Variants in SETDB2 observed in about 807,000 individuals in gnomAD.
SETDB2 encodes SET domain bifurcated histone lysine methyltransferase 2.
Under a neutral mutation model 82.5 loss-of-function variants are expected in SETDB2, and 56 were observed. The ratio of observed to expected loss-of-function variants is 0.68; its 90% confidence interval spans 0.55 to 0.85. The LOEUF (loss-of-function observed/expected upper bound fraction) is 0.85. Among genes scored for constraint, SETDB2 ranks in the 40% least tolerant of loss-of-function variants. The probability of loss-of-function intolerance (pLI) is 0.00; values close to 1 mark genes in which losing one functional copy is unlikely to be tolerated. For synonymous variants in SETDB2, 272 were observed against 284.9 expected, an observed-to-expected ratio of 0.95 and a Z score of 0.46; for missense variants, 677 against 816.4, an observed-to-expected ratio of 0.83 and a Z score of 2.08.
intron 10 of SETDB2, 99 bp from the exon 11 acceptor site, chr13:49,485,531 C>T (rs993110403): frequency 3.4e-6 from 3 of 890,962 alleles, no homozygotes; most frequent in Non-Finnish European, 5.3e-6. Flanking sequence ...GAATCTAGTA[C>T]ATATAGCCTA....
intron 5 of SETDB2, among the ~76,000 whole-genome samples, chr13:49,472,938 A>C (rs1216027890): frequency 6.6e-6 from 1 of 152,174 alleles, no homozygotes; most frequent in Non-Finnish European, 1.5e-5. Flanking sequence ...CTTTCTTGAA[A>C]TGTAAATTCC....
At chr13:49,487,590 C>T (rs1459874417) in intron 11 of SETDB2, among the ~76,000 whole-genome samples, 1 of 152,194 alleles carries the variant, frequency 6.6e-6, no homozygotes, top group Non-Finnish European at 1.5e-5. Context: ...CATCCTCCTG[C>T]CTTGGCCTCC....
intron 5 of SETDB2, among the ~76,000 whole-genome samples, chr13:49,470,830 G>A (rs1486324723): frequency 6.6e-6 from 1 of 152,164 alleles, no homozygotes; most frequent in East Asian, 1.9e-4. Context: ...GGGTGACAGA[G>A]TGAGACCCTA....
In SETDB2 at chr13:49,490,929, T is replaced by C; in HGVS notation, c.2006+19T>C. The C allele has an allele frequency of 1.9e-6, 3 of 1,587,280 alleles. No individual in the cohort carries two copies. Among genetic ancestry groups the C allele is most frequent in the Non-Finnish European group, 2.6e-6 (3 of 1,156,328 alleles). On this transcript the variant is annotated intron_variant, in intron 13 of 13. Coordinates refer to ENST00000611815, the MANE Select transcript of SETDB2 (RefSeq NM_001160308.3). ...CCAACAGGTTTGAAATTGATTTCGC[T>C]TACTTAATTCTGAAATTGTGACTTT... is the stretch of plus-strand genomic sequence containing the variant.
rs1305589280 is a variant in SETDB2 at position 49,493,751 on chromosome 13, T to G, written c.*1902T>G. 1 of 152,274 alleles carries G rather than the reference T, an allele frequency of 6.6e-6. No individual in the cohort carries two copies. 9.4% of individuals were successfully genotyped at this position (152,274 alleles called of 1,614,324 possible). A position where few individuals can be genotyped will look rare whatever the true frequency, so the allele number is the denominator to read the frequency against. ...CTCCATGCCCAGTTTTGAAGACATCTGCTAGCTTTCAGTGCTGTTGCTGTG... is the reference window on the plus strand; with the variant it reads ...CTCCATGCCCAGTTTTGAAGACATCGGCTAGCTTTCAGTGCTGTTGCTGTG... On this transcript the variant is annotated 3_prime_UTR_variant, in exon 14 of 14. Transcript: ENST00000611815.
intron 6 of SETDB2, among the ~76,000 whole-genome samples, chr13:49,479,244 T>G (rs1958430169): frequency 6.6e-6 from 1 of 152,210 alleles, no homozygotes; most frequent in Non-Finnish European, 1.5e-5. Flanking sequence ...GTATATGTGG[T>G]GTGTATATTT....
intron 1 of SETDB2, among the ~76,000 whole-genome samples, chr13:49,449,126 G>C (rs1424890900): frequency 6.6e-6 from 1 of 152,078 alleles, no homozygotes. Context: ...TCTGGGTTTT[G>C]CTTGCCATCC....
intron 6 of SETDB2, among the ~76,000 whole-genome samples, chr13:49,478,645 G>A (rs1448261271): frequency 7.2e-5 from 11 of 152,302 alleles, no homozygotes; most frequent in Admixed American, 6.5e-4. Context: ...TGTCCCAAGA[G>A]GCTGGGCACA....
intron 1 of SETDB2, among the ~76,000 whole-genome samples, chr13:49,449,025 A>G (rs1957741738): frequency 6.6e-6 from 1 of 152,118 alleles, no homozygotes; most frequent in South Asian, 2.1e-4. Flanking sequence ...TCTTCTTATA[A>G]TTGCAGATGT....
chr13:49,482,037 A>C (rs1958489495), intron 8 of SETDB2: 1 of 985,014 alleles, frequency 1.0e-6, no homozygotes, highest in South Asian at 4.7e-5. Context: ...ACAGATCCAC[A>C]TTCTACACAT....
intron 5 of SETDB2, among the ~76,000 whole-genome samples, chr13:49,473,221 C>T (rs540226134): frequency 2.0e-5 from 3 of 152,172 alleles, no homozygotes; most frequent in Non-Finnish European, 4.4e-5. Context: ...ATTTAATGTT[C>T]CCCTTCCTCC....
intron 1 of SETDB2, among the ~76,000 whole-genome samples, chr13:49,446,221 ATTC>A (rs1957683269): frequency 6.6e-6 from 1 of 152,200 alleles, no homozygotes; most frequent in Admixed American, 6.5e-5. Context: ...ACACTTTTAC[ATTC>A]TTTTACAGAA....
intron 11 of SETDB2, among the ~76,000 whole-genome samples, chr13:49,487,757 T>C (rs1241544343): frequency 2.6e-5 from 4 of 152,236 alleles, no homozygotes; most frequent in African/African-American, 4.8e-5. Flanking sequence ...AATTATTGAA[T>C]GGTCATCTAG....
intron 3 of SETDB2, among the ~76,000 whole-genome samples, chr13:49,460,813 CA>C (rs1169272865): frequency 6.6e-6 from 1 of 151,654 alleles, no homozygotes; most frequent in East Asian, 1.9e-4. Context: ...ATGTGTTTAT[CA>C]AAAAAAATTG....
intron 1 of SETDB2, among the ~76,000 whole-genome samples, chr13:49,447,481 CATT>C (rs1383180658): frequency 1.3e-5 from 2 of 152,074 alleles, no homozygotes; most frequent in Non-Finnish European, 2.9e-5. Context: ...AATGTTTCAT[CATT>C]GAGTATGATG....
chr13:49,489,928 T>TCC (rs201687543), intron 12 of SETDB2, among the ~76,000 whole-genome samples: 14,251 of 104,978 alleles, frequency 0.14, 2,004 homozygotes, highest in Middle Eastern at 0.18. Context: ...CTTTTTTTTT[T>TCC]ACATAAAACA....
chr13:49,456,088 A>G (rs1270353958), intron 2 of SETDB2, among the ~76,000 whole-genome samples: 3 of 152,136 alleles, frequency 2.0e-5, no homozygotes, highest in East Asian at 1.9e-4. Context: ...TATTTTTTAA[A>G]TAGTTTGTCC....
chr13:49,453,863 C>T (rs1261587144), intron 2 of SETDB2, among the ~76,000 whole-genome samples: 1 of 118,422 alleles, frequency 8.4e-6, no homozygotes, highest in East Asian at 2.4e-4. Flanking sequence ...GCTGGCAGAG[C>T]AATGAAGTAT....
intron 5 of SETDB2, among the ~76,000 whole-genome samples, chr13:49,471,932 A>T (rs1536193): frequency 0.052 from 3,875 of 74,992 alleles, 164 homozygotes; most frequent in African/African-American, 0.19. Flanking sequence ...ATATATATAT[A>T]TATTTTTTTT....
Sources: allele counts gnomAD v4.1 joint callset (sites outside exome capture counted in the v4.1 genomes callset), GRCh38; gene constraint gnomAD v4.1.1; transcripts MANE v1.5; gene names NCBI Gene and HGNC (gene_info 2026-07-23, HGNC 2026-07-21).